MTURN: variants seen among roughly 807,000 people sequenced by gnomAD.
MTURN encodes maturin, neural progenitor differentiation regulator homolog.
MTURN carries 7 observed loss-of-function variants against 14.9 expected under a neutral mutation model. That is an observed-to-expected ratio of 0.47 (90% CI 0.27 to 0.88). The LOEUF is 0.88. MTURN is among the 40% of genes least tolerant of loss of function. The pLI is 0.14. For missense variants in MTURN, 151 were observed against 174.1 expected (o/e 0.87, Z 0.75); for synonymous variants, 69 against 72.5 (o/e 0.95, Z 0.25).
rs142328435 is a variant in MTURN, at chr7:30,147,734, T to C, written c.285+1435T>C. On this transcript the variant is annotated intron_variant, in intron 2 of 2. Coordinates refer to ENST00000324453, the MANE Select transcript of MTURN (RefSeq NM_152793.3). The stretch of plus-strand genomic sequence containing the variant: ...ATGAAAGAGTTGGACCCAGTCACTT[T>C]GTGCACCATTGTAAGAAATGAGATT... Among the ~76,000 whole-genome samples, 211 of 152,342 alleles carry C rather than the reference T, an allele frequency of 1.4e-3. 2 individuals are homozygous for C. Among genetic ancestry groups the C allele is most frequent in the African/African-American group, 4.7e-3 (196 of 41,576 alleles).
chr7:30,153,557 C>T (rs993276130), intron 2 of MTURN, among the ~76,000 whole-genome samples: 1 of 152,102 alleles, frequency 6.6e-6, no homozygotes, highest in African/African-American at 2.4e-5. Context: ...CTGCCACTTA[C>T]TGGGTGACTC....
intron 1 of MTURN, among the ~76,000 whole-genome samples, chr7:30,140,274 A>C (rs953796955): frequency 6.6e-6 from 1 of 152,046 alleles, no homozygotes; most frequent in Non-Finnish European, 1.5e-5. Context: ...GGACTCTAAA[A>C]TTTTGTATAG....
At chr7:30,137,755 T>C (rs545115862) in intron 1 of MTURN, 123 of 451,550 alleles carry the variant, frequency 2.7e-4, no homozygotes, top group African/African-American at 2.0e-3. Flanking sequence ...TCTTTTTCCC[T>C]GGAAAATGTA....
chr7:30,149,701 A>T (rs143062778), intron 2 of MTURN, among the ~76,000 whole-genome samples: 4 of 152,372 alleles, frequency 2.6e-5, no homozygotes, highest in African/African-American at 9.6e-5. Context: ...CTGTCATCAC[A>T]GTTGAACGTA....
intron 1 of MTURN, among the ~76,000 whole-genome samples, chr7:30,135,525 C>T (rs774974991): frequency 9.2e-5 from 14 of 151,818 alleles, no homozygotes; most frequent in Non-Finnish European, 1.9e-4. Flanking sequence ...CCGGAGGATC[C>T]GGGGAGCCGG....
chr7:30,161,636 CA>C lies in MTURN; in HGVS notation c.*4090del. 6.6e-6 allele frequency: 1 copy of C among 152,370 alleles called. No homozygotes were observed. Among genetic ancestry groups the C allele is most frequent in the East Asian group, 1.9e-4 (1 of 5,188 alleles). The allele number at this position is 152,370 out of a possible 1,614,324, so 9.4% of individuals were successfully genotyped here. A position where few individuals can be genotyped will look rare whatever the true frequency, so the allele number is the denominator to read the frequency against. On this transcript the variant is annotated 3_prime_UTR_variant, in exon 3 of 3. Transcript: ENST00000324453. ...GCCCCCTCAGGCCAGAGGGCAGGGC[CA>C]ACCTCCTCACTGTGCTTCAAGGTTG...
At chr7:30,147,418 C>CG (rs1797145340) in intron 2 of MTURN, among the ~76,000 whole-genome samples, 1 of 152,128 alleles carries the variant, frequency 6.6e-6, no homozygotes, top group South Asian at 2.1e-4. Context: ...TGATGGCTCC[C>CG]GGGGGTGAGA....
chr7:30,152,679 TC>T (rs1797230251), intron 2 of MTURN, among the ~76,000 whole-genome samples: 2 of 152,130 alleles, frequency 1.3e-5, no homozygotes, highest in South Asian at 4.1e-4. Flanking sequence ...AGACACCACC[TC>T]CCCTTCCTTT....
At position 30,161,305 on chromosome 7, in the gene MTURN, G is replaced by A. The variant is rs1797370777; in HGVS notation, c.*3757G>A. On this transcript the variant is annotated 3_prime_UTR_variant, in exon 3 of 3. Coordinates refer to ENST00000324453, the MANE Select transcript of MTURN (RefSeq NM_152793.3). Reference sequence around the variant, plus strand: ...CTGACAGTTACCACCTGAGCCCCAGGAAAACTGTTTTCATTTTCACGGCTG... The same window carrying A: ...CTGACAGTTACCACCTGAGCCCCAGAAAAACTGTTTTCATTTTCACGGCTG... 6.6e-6 allele frequency: 1 copy of A among 152,238 alleles called. No homozygotes were observed. Among genetic ancestry groups the A allele is most frequent in the Non-Finnish European group, 1.5e-5 (1 of 68,062 alleles). The allele number at this position is 152,238 out of a possible 1,614,324, so 9.4% of individuals were successfully genotyped here.
chr7:30,159,325 G>C lies in MTURN; in HGVS notation c.*1777G>C, dbSNP rs550335589. Reference sequence around the variant, plus strand: ...TCATGAGCAAAGGTGATTGTGAGCTGTATATTACACAGGTGTCGCCCAGGT... The same window carrying C: ...TCATGAGCAAAGGTGATTGTGAGCTCTATATTACACAGGTGTCGCCCAGGT... On this transcript the variant is annotated 3_prime_UTR_variant, in exon 3 of 3. Coordinates refer to ENST00000324453, the MANE Select transcript of MTURN (RefSeq NM_152793.3). 6.6e-6 allele frequency: 1 copy of C among 152,286 alleles called. No individual in the cohort carries two copies. Among genetic ancestry groups the C allele is most frequent in the South Asian group, 2.1e-4 (1 of 4,828 alleles). The allele number at this position is 152,286 out of a possible 1,614,324, so 9.4% of individuals were successfully genotyped here.
Position 30,146,022 on chromosome 7 carries a change from ACAAAT to A in MTURN, c.163-151_163-147del, listed in dbSNP as rs1349765846. Reference sequence around the variant, plus strand: ...CATTTTTTCTTCCCTTTCAACGCAAACAAATCAAGAACGCATGTATGAATTTTACT... The same window carrying A: ...CATTTTTTCTTCCCTTTCAACGCAAACAAGAACGCATGTATGAATTTTACT... On this transcript the variant is annotated intron_variant, in intron 1 of 2. Transcript: ENST00000324453. The A allele has an allele frequency of 3.2e-6, 5 of 1,563,644 alleles. No individual in the cohort carries two copies. In the African/African-American group the frequency reaches 6.8e-5, roughly 21 times the overall value.
rs141888148 is a variant in MTURN at position 30,137,331 on chromosome 7, C to T, written c.162+2033C>T. On this transcript the variant is annotated intron_variant, in intron 1 of 2. Coordinates refer to ENST00000324453, the MANE Select transcript of MTURN (RefSeq NM_152793.3). ...AGCCTTCCTGCTGGGACCGCCCAGGCCATACCCAAAGAAATGACTCCAAAG... is the reference window on the plus strand; with the variant it reads ...AGCCTTCCTGCTGGGACCGCCCAGGTCATACCCAAAGAAATGACTCCAAAG... The T allele has an allele frequency of 1.5e-3, 448 of 292,622 alleles. 2 individuals carry two copies. The highest frequency in any genetic ancestry group is 7.9e-3 in the African/African-American group (364 of 45,804). The allele number at this position is 292,622 out of a possible 1,614,324, so 18.1% of individuals were successfully genotyped here.
chr7:30,143,355 CTTT>C (rs35968379), intron 1 of MTURN, among the ~76,000 whole-genome samples: 4 of 136,754 alleles, frequency 2.9e-5, no homozygotes, highest in African/African-American at 5.4e-5. Context: ...TCCCTTTGTC[CTTT>C]TTTTTTTTTT....
Position 30,157,599 on chromosome 7 carries a change from G to C in MTURN, c.*51G>C. ...AGTGAGCCCCACAGTAACCTAGGTG[G>C]GGTCACTGCCCCTCCTGGGTTAGCA... On this transcript the variant is annotated 3_prime_UTR_variant, in exon 3 of 3. Coordinates refer to ENST00000324453, the MANE Select transcript of MTURN (RefSeq NM_152793.3). 7.1e-7 allele frequency: 1 copy of C among 1,409,658 alleles called. No individual in the cohort carries two copies. Among genetic ancestry groups the C allele is most frequent in the South Asian group, 1.4e-5 (1 of 73,870 alleles). 87.3% of individuals were successfully genotyped at this position (1,409,658 alleles called of 1,614,324 possible). A position where few individuals can be genotyped will look rare whatever the true frequency, so the allele number is the denominator to read the frequency against.
In MTURN at chr7:30,157,429, TC is replaced by T; in HGVS notation, c.286-6del. On this transcript the variant is annotated splice_polypyrimidine_tract_variant and splice_region_variant and intron_variant, in intron 2 of 2. Transcript: ENST00000324453. Reference sequence around the variant, plus strand: ...TCACAGCTGCTTTTCTCTTGTTCTCTCCCTGTAGTTACTGGGGCTTCCGGAT... The same window carrying T: ...TCACAGCTGCTTTTCTCTTGTTCTCTCCTGTAGTTACTGGGGCTTCCGGAT... 6.3e-7 allele frequency: 1 copy of T among 1,588,212 alleles called. No homozygotes were observed. Among genetic ancestry groups the T allele is most frequent in the Non-Finnish European group, 8.6e-7 (1 of 1,169,222 alleles).
chr7:30,146,173 G>C lies in MTURN; in HGVS notation c.163-4G>C. 6.2e-7 allele frequency: 1 copy of C among 1,613,764 alleles called. No homozygotes were observed. Among genetic ancestry groups the C allele is most frequent in the South Asian group, 1.1e-5 (1 of 91,082 alleles). On this transcript the variant is annotated splice_polypyrimidine_tract_variant and splice_region_variant and intron_variant, in intron 1 of 2. Transcript: ENST00000324453. ...TTCTCCTTCCGTCGCCCGTGGGCAC[G>C]CAGCACGTGTGGAGTGAGAGCGAGG...
rs562280002 is a variant in MTURN, at chr7:30,135,372, C to G, written c.162+74C>G. ...GGCGGTGCGTCCCTGCGCCCGAGCT[C>G]CCGCGCGGTGGGCGGCGGTGGGCGC... On this transcript the variant is annotated intron_variant, in intron 1 of 2. Coordinates refer to ENST00000324453, the MANE Select transcript of MTURN (RefSeq NM_152793.3). 1.3e-5 allele frequency: 18 copies of G among 1,360,544 alleles called. No individual in the cohort carries two copies. In the South Asian group the frequency reaches 2.8e-4, roughly 21 times the overall value. 84.3% of individuals were successfully genotyped at this position (1,360,544 alleles called of 1,614,324 possible). A position where few individuals can be genotyped will look rare whatever the true frequency, so the allele number is the denominator to read the frequency against.
At chr7:30,155,877 G>A (rs1168106519) in intron 2 of MTURN, among the ~76,000 whole-genome samples, 1 of 152,212 alleles carries the variant, frequency 6.6e-6, no homozygotes, top group Non-Finnish European at 1.5e-5. Flanking sequence ...GAGAGAGGAA[G>A]GGGGTGGCAG....
intron 2 of MTURN, among the ~76,000 whole-genome samples, chr7:30,148,973 A>C (rs1053749093): frequency 6.6e-6 from 1 of 152,012 alleles, no homozygotes. Context: ...ACAGGGGCTC[A>C]CTCATTGACC....
Sources: allele counts gnomAD v4.1 joint callset (sites outside exome capture counted in the v4.1 genomes callset), GRCh38; gene constraint gnomAD v4.1.1; transcripts MANE v1.5; gene names NCBI Gene and HGNC (gene_info 2026-07-23, HGNC 2026-07-21).